Variants in UQCRB observed in about 807,000 individuals in gnomAD.
UQCRB encodes the protein cytochrome b-c1 complex subunit 7.
A neutral mutation model predicts 19.8 loss-of-function variants in UQCRB; 12 were observed. The ratio of observed to expected loss-of-function variants is 0.61; its 90% confidence interval spans 0.39 to 0.98. The LOEUF (loss-of-function observed/expected upper bound fraction) is 0.98. UQCRB is among the 50% of genes least tolerant of loss of function. The probability of loss-of-function intolerance (pLI) is 0.00; values close to 1 mark genes in which losing one functional copy is unlikely to be tolerated. For missense variants in UQCRB, 142 were observed against 131.8 expected (o/e 1.08, Z -0.38); for synonymous variants, 39 against 42.9 (o/e 0.91, Z 0.35).
At chr8:96,233,979 CTGA>C (rs1388986923) in intron 1 of UQCRB, 1 of 152,858 alleles carries the variant, frequency 6.5e-6, no homozygotes. Flanking sequence ...AGGGCTGAGC[CTGA>C]TGAAGTAACC....
chr8:96,231,156 A>C (rs776141585), intron 3 of UQCRB, 24 bp from the exon 4 acceptor site: 1 of 1,614,132 alleles, frequency 6.2e-7, no homozygotes, highest in East Asian at 2.2e-5. Context: ...GAAATATTAT[A>C]TGTTACCATC....
At position 96,227,374 on chromosome 8, in the gene UQCRB, G is replaced by C. The variant is rs192886705; in HGVS notation, c.*3681C>G. ...AATGGAGAAATCTTCCATAGTGCTC[G>C]TGTGATGTACACTAAGTTGTAAAGT... On this transcript the variant is annotated 3_prime_UTR_variant, in exon 4 of 4. Coordinates refer to ENST00000287022, the MANE Select transcript of UQCRB (RefSeq NM_006294.5). 2.6e-4 allele frequency: 118 copies of C among 454,102 alleles called. 2 individuals carry two copies. The highest frequency in any genetic ancestry group is 1.9e-3 in the African/African-American group (95 of 50,118). 28.1% of individuals were successfully genotyped at this position (454,102 alleles called of 1,614,324 possible).
rs1809691490 is a variant in UQCRB, at chr8:96,232,061, A to C, written c.92-121T>G. On this transcript the variant is annotated intron_variant, in intron 2 of 3. Coordinates refer to ENST00000287022, the MANE Select transcript of UQCRB (RefSeq NM_006294.5). ...TTTGGTGAACTATCGAATTCAAATC[A>C]CTAGGTTCAATGGAAATTCAATGCA... 5.4e-6 allele frequency: 5 copies of C among 917,592 alleles called. 1 individual carries two copies. Among genetic ancestry groups the C allele is most frequent in the Non-Finnish European group, 8.5e-6 (5 of 591,118 alleles). The allele number at this position is 917,592 out of a possible 1,614,324, so 56.8% of individuals were successfully genotyped here. A position where few individuals can be genotyped will look rare whatever the true frequency, so the allele number is the denominator to read the frequency against.
chr8:96,234,463 T>C (rs1451756272), intron 1 of UQCRB: 4 of 1,286,248 alleles, frequency 3.1e-6, no homozygotes, highest in Non-Finnish European at 4.1e-6. Context: ...CTAATGGGAG[T>C]TGAGATCTGG....
At chr8:96,233,433 A>G (rs12548059) in intron 1 of UQCRB, 2 of 542,106 alleles carry the variant, frequency 3.7e-6, no homozygotes, top group Admixed American at 6.9e-5. Flanking sequence ...TAAAATGTTG[A>G]TAAAAAGTGC....
In UQCRB at chr8:96,231,869, G is replaced by C; in HGVS notation, c.163C>G (p.Leu55Val). Residue 55 changes from leucine (L) to valine (V), a missense_variant, in exon 3 of 4, where the codon CTT becomes GTT. This residue lies in a region of UQCRB where 132 missense variants were observed against 107.5 expected (regional missense o/e 1.23). Coordinates refer to ENST00000287022, the MANE Select transcript of UQCRB (RefSeq NM_006294.5). Reference sequence around the variant, plus strand: ...ATGCGAAACATCCTGTCATTATAAAGGTTCTCAGGAAGTCTTCTTATGGCT... The same window carrying C: ...ATGCGAAACATCCTGTCATTATAAACGTTCTCAGGAAGTCTTCTTATGGCT... ...KEAIRRLPENLYNDRMFRIKR... is the reference protein window; with the variant it reads ...KEAIRRLPENVYNDRMFRIKR... The C allele has an allele frequency of 1.9e-6, 3 of 1,614,036 alleles. No homozygotes were observed. The highest frequency in any genetic ancestry group is 2.5e-6 in the Non-Finnish European group (3 of 1,180,016).
Sources: gnomAD v4.1 joint callset for allele counts on GRCh38, gnomAD v4.1.1 for gene constraint, gnomAD v4.1.1 regional missense constraint, MANE v1.5 for transcripts, NCBI Gene and HGNC (gene_info 2026-07-23, HGNC 2026-07-21) for gene names.